The following EHMT1 variants were observed in gnomAD, a reference collection of about 807,000 sequenced individuals.
The protein encoded by EHMT1 is histone-lysine N-methyltransferase EHMT1.
Under a neutral mutation model 147.2 loss-of-function variants are expected in EHMT1, and 15 were observed. The ratio of observed to expected loss-of-function variants is 0.10; its 90% CI spans 0.07 to 0.16. EHMT1 has a LOEUF of 0.16. EHMT1 is among the 10% of genes least tolerant of loss of function. EHMT1 has a pLI of 1.00. For synonymous variants in EHMT1, 795 were observed against 709.6 expected (o/e 1.12, Z -1.91); for missense variants, 1,587 against 1,772.4 (o/e 0.90, Z 1.88).
intron 10 of EHMT1, among the ~76,000 whole-genome samples, chr9:137,768,680 G>T (rs11137217): frequency 6.7e-6 from 1 of 149,488 alleles, no homozygotes; most frequent in African/African-American, 2.5e-5. Context: ...CTCCCAAGTA[G>T]CTGGGACTAC....
chr9:137,665,824 T>C (rs1436858942), intron 1 of EHMT1: 1 of 152,226 alleles, frequency 6.6e-6, no homozygotes, highest in African/African-American at 2.4e-5. Flanking sequence ...TTAAGCAGCT[T>C]CCGAGGAGGC....
rs1369733741 is a variant in EHMT1, at chr9:137,775,115, C to T, written c.1654C>T (p.Arg552Trp). 18 of 1,614,062 alleles carry T rather than the reference C, an allele frequency of 1.1e-5. No homozygotes were observed. The highest frequency in any genetic ancestry group is 1.7e-5 in the Admixed American group (1 of 60,024). ...ATESVDHELG[R>W]CTNSVVKYEL... ...CAGTCTTGTCTGATTGCAGTTGGGCCGGTGCACAAACAGCGTGGTCAAGTA... is the reference window on the plus strand; with the variant it reads ...CAGTCTTGTCTGATTGCAGTTGGGCTGGTGCACAAACAGCGTGGTCAAGTA... The change falls in exon 11 of 27, where the codon CGG (arginine) becomes TGG (tryptophan). Residue 552 changes from arginine (R) to tryptophan (W), a missense_variant. Physicochemically the swap from Arg to Trp is moderately radical, Grantham distance 101. Transcript: ENST00000460843. This position sits in a 1 kb window ranked among gnomAD's most constrained non-coding sequence, Gnocchi z 6.1.
chr9:137,621,978 ATTATAC>A (rs1351840770), intron 1 of EHMT1, among the ~76,000 whole-genome samples: 3 of 132,518 alleles, frequency 2.3e-5, no homozygotes, highest in Non-Finnish European at 4.9e-5. Flanking sequence ...TTTTATTATT[ATTATAC>A]TTTAAGTTTT....
chr9:137,779,327 C>T lies in EHMT1; in HGVS notation c.2193-308C>T, dbSNP rs138795995. 5.9e-5 allele frequency among the ~76,000 whole-genome samples: 9 copies of T among 152,348 alleles called. No homozygotes were observed. The East Asian group carries it at 1.5e-3, about 26-fold the overall frequency. On this transcript the variant is annotated intron_variant, in intron 13 of 26. Coordinates refer to ENST00000460843, the MANE Select transcript of EHMT1 (RefSeq NM_024757.5). ...GTAGATGAGGTTCCCCTGCATCCTG[C>T]GCTGGTTCTGTCGTCGTGTTGTGTA...
Position 137,619,059 on chromosome 9 carries a change from G to C in EHMT1, c.21+10G>C, listed in dbSNP as rs1040872282. The C allele has an allele frequency of 1.4e-4, 123 of 908,102 alleles. No individual in the cohort carries two copies. Among genetic ancestry groups the C allele is most frequent in the Non-Finnish European group, 1.5e-4 (117 of 761,982 alleles). 56.3% of individuals were successfully genotyped at this position (908,102 alleles called of 1,614,324 possible). On this transcript the variant is annotated intron_variant, in intron 1 of 26. Transcript: ENST00000460843. The stretch of plus-strand genomic sequence containing the variant: ...CGCCGCCGATGCCGAGGTGAGCAGC[G>C]GGGCCGGCGGGGGGCGGCGCGGGGG...
intron 25 of EHMT1, among the ~76,000 whole-genome samples, chr9:137,831,922 C>T (rs1285058373): frequency 1.3e-5 from 2 of 151,786 alleles, no homozygotes; most frequent in Non-Finnish European, 2.9e-5. Flanking sequence ...TGGCTGGGCT[C>T]CCTCCACAGG....
At chr9:137,619,755 C>T (rs966274195) in intron 1 of EHMT1, among the ~76,000 whole-genome samples, 2 of 152,086 alleles carry the variant, frequency 1.3e-5, no homozygotes, top group East Asian at 3.9e-4. Context: ...CTTCCCCGTG[C>T]TCATTCTCAA....
chr9:137,667,715 G>C (rs1260097515), intron 1 of EHMT1, among the ~76,000 whole-genome samples: 3 of 152,154 alleles, frequency 2.0e-5, no homozygotes, highest in Non-Finnish European at 4.4e-5. Flanking sequence ...TAAAGTAGAA[G>C]TTTTGGTGTG....
chr9:137,754,029 T>C, intron 7 of EHMT1, 142 bp from the exon 8 acceptor site: 1 of 1,407,086 alleles, frequency 7.1e-7, no homozygotes, highest in Non-Finnish European at 1.0e-6. Flanking sequence ...CCCAGCAAAA[T>C]GTCTACAAGT....
In EHMT1 at chr9:137,775,016, G is replaced by A; in HGVS notation, c.1648-93G>A. On this transcript the variant is annotated intron_variant, in intron 10 of 26. Coordinates refer to ENST00000460843, the MANE Select transcript of EHMT1 (RefSeq NM_024757.5). The surrounding 1 kb of genome is among the most constrained non-coding windows in gnomAD (Gnocchi z 6.1). ...TCAGTCAGCCCACACCTGCTGAGCAGCTCTTGTGTGCCTGCACTGCCCAGC... is the reference window on the plus strand; with the variant it reads ...TCAGTCAGCCCACACCTGCTGAGCAACTCTTGTGTGCCTGCACTGCCCAGC... 1 of 1,582,750 alleles carries A rather than the reference G, an allele frequency of 6.3e-7. No homozygotes were observed. The highest frequency in any genetic ancestry group is 1.3e-5 in the African/African-American group (1 of 74,328).
At chr9:137,720,289 C>A (rs1403506141) in intron 3 of EHMT1, among the ~76,000 whole-genome samples, 17 of 151,978 alleles carry the variant, frequency 1.1e-4, no homozygotes, top group Admixed American at 1.0e-3. Context: ...CTGCAGATTC[C>A]ATTTTTATAA....
chr9:137,636,927 TC>T (rs1250164924), intron 1 of EHMT1, among the ~76,000 whole-genome samples: 2 of 149,490 alleles, frequency 1.3e-5, no homozygotes, highest in African/African-American at 4.9e-5. Context: ...AGACAGAGTT[TC>T]GCTCTGTCGC....
At chr9:137,803,837 TAA>T (rs773946581) in intron 18 of EHMT1, among the ~76,000 whole-genome samples, 11 of 126,928 alleles carry the variant, frequency 8.7e-5, no homozygotes, top group Admixed American at 8.0e-5. Flanking sequence ...TCTCAAAAAT[TAA>T]AAAAAAAAAA....
intron 8 of EHMT1, among the ~76,000 whole-genome samples, chr9:137,754,765 T>C (rs548599076): frequency 2.9e-4 from 44 of 152,120 alleles, no homozygotes; most frequent in Non-Finnish European, 5.7e-4. Context: ...GATCTGCCCG[T>C]TTTGGCCTCC....
At chr9:137,745,606 A>C (rs1564679991) in intron 6 of EHMT1, 2 of 398,472 alleles carry the variant, frequency 5.0e-6, no homozygotes, top group Middle Eastern at 6.2e-4. Flanking sequence ...GGCAGCCCTG[A>C]CTGCACCGTG....
intron 16 of EHMT1, 141 bp from the exon 17 acceptor site, chr9:137,798,671 CA>C: frequency 2.6e-6 from 2 of 757,992 alleles, no homozygotes; most frequent in South Asian, 2.9e-5. Context: ...CCCTCGGCCT[CA>C]GCCTGGGTTT....
chr9:137,753,656 T>A (rs1949153807), intron 7 of EHMT1, among the ~76,000 whole-genome samples: 1 of 152,216 alleles, frequency 6.6e-6, no homozygotes, highest in African/African-American at 2.4e-5. Flanking sequence ...CATCCGTGTG[T>A]GACATGTGGC....
At chr9:137,789,353 C>T (rs1276016420) in intron 15 of EHMT1, 1 of 152,592 alleles carries the variant, frequency 6.6e-6, no homozygotes, top group Non-Finnish European at 1.5e-5. Flanking sequence ...GGCGCACCCT[C>T]TCTTCTTTCA....
chr9:137,641,650 G>A (rs760593738), intron 1 of EHMT1: 2 of 215,524 alleles, frequency 9.3e-6, no homozygotes, highest in East Asian at 1.5e-4. Flanking sequence ...GTGCTTCCTC[G>A]TGGGCTTGGT....
Sources: allele counts gnomAD v4.1 joint callset (sites outside exome capture counted in the v4.1 genomes callset), GRCh38; gene constraint gnomAD v4.1.1; non-coding constraint Gnocchi (gnomAD v3.1); transcripts MANE v1.5; gene names NCBI Gene and HGNC (gene_info 2026-07-23, HGNC 2026-07-21).